The following CCDC141 variants were observed in gnomAD, a reference collection of about 807,000 sequenced individuals.
CCDC141 encodes coiled-coil domain containing 141, also known as coiled-coil domain-containing protein 141.
In CCDC141, 168 loss-of-function variants were observed where a neutral mutation model predicts 181.0. That is an observed-to-expected ratio of 0.93 (90% CI 0.82 to 1.05). The LOEUF is 1.05. CCDC141 is among the 50% of genes least tolerant of loss of function. The pLI is 0.00. For missense variants in CCDC141, 1,902 were observed against 1,788.5 expected, an observed-to-expected ratio of 1.06 and a Z score of -1.14; for synonymous variants, 666 against 642.3, an observed-to-expected ratio of 1.04 and a Z score of -0.56.
intron 17 of CCDC141, among the ~76,000 whole-genome samples, chr2:178,865,491 GCAAC>G (rs1685805222): frequency 6.6e-6 from 1 of 152,104 alleles, no homozygotes; most frequent in Non-Finnish European, 1.5e-5. Context: ...ATAAACAAAA[GCAAC>G]CAAAAAAACT....
chr2:178,963,915 G>A (rs916730698), intron 4 of CCDC141, among the ~76,000 whole-genome samples: 7 of 150,200 alleles, frequency 4.7e-5, no homozygotes, highest in African/African-American at 1.7e-4. Context: ...TGAGAAGAAT[G>A]GGAGAATGTA....
chr2:178,828,721 G>GT (rs559546724), downstream of CCDC141, among the ~76,000 whole-genome samples: 64 of 152,274 alleles, frequency 4.2e-4, no homozygotes, highest in Admixed American at 4.1e-3. Flanking sequence ...GTTTGTGTGT[G>GT]GGTGTGCATA....
chr2:178,833,893 C>A lies in CCDC141; in HGVS notation c.*280G>T, dbSNP rs930028348. On this transcript the variant is annotated 3_prime_UTR_variant, in exon 24 of 24. Coordinates refer to ENST00000443758, the MANE Select transcript of CCDC141 (RefSeq NM_173648.4). ...CGCCCTTAAATTAGGAGGGAATAGG[C>A]ATAGAATAATTTTGCTGCATATTAT... 4 of 345,724 alleles carry A rather than the reference C, an allele frequency of 1.2e-5. No homozygotes were observed. Among genetic ancestry groups the A allele is most frequent in the Non-Finnish European group, 1.1e-5 (2 of 189,120 alleles). 21.4% of individuals were successfully genotyped at this position (345,724 alleles called of 1,614,324 possible).
chr2:178,834,288 T>C lies in CCDC141; in HGVS notation c.4478A>G (p.Asn1493Ser), dbSNP rs1684381947. ...AQNSSGALSS[N>S]VILHVTGNCR... ...GTTACCTGTCACGTGGAGGATGACATTGGAAGAGAGAGCGCCGCTAGAGTT... is the reference window on the plus strand; with the variant it reads ...GTTACCTGTCACGTGGAGGATGACACTGGAAGAGAGAGCGCCGCTAGAGTT... The change falls in exon 24 of 24, where the codon AAT becomes AGT. Residue 1493 changes from asparagine (N) to serine (S), a missense_variant. Asn to Ser is a conservative substitution (Grantham distance 46). Transcript: ENST00000443758. The C allele has an allele frequency of 2.0e-6, 3 of 1,535,892 alleles. No homozygotes were observed. Among genetic ancestry groups the C allele is most frequent in the African/African-American group, 1.4e-5 (1 of 73,010 alleles).
chr2:178,979,464 T>C (rs1691270137), intron 2 of CCDC141, among the ~76,000 whole-genome samples: 1 of 151,988 alleles, frequency 6.6e-6, no homozygotes, highest in Non-Finnish European at 1.5e-5. Context: ...ACAAACATAA[T>C]GACAAGTACA....
intron 2 of CCDC141, among the ~76,000 whole-genome samples, chr2:179,033,903 AT>A (rs1485439133): frequency 6.6e-6 from 1 of 152,204 alleles, no homozygotes; most frequent in Non-Finnish European, 1.5e-5. Context: ...TTCTGAATTT[AT>A]CTATGTCACA....
intron 4 of CCDC141, 94 bp downstream of exon 4, chr2:178,974,963 T>C (rs180811193): frequency 1.8e-6 from 1 of 552,074 alleles, no homozygotes; most frequent in African/African-American, 1.9e-5. Context: ...CATAAATAGA[T>C]CAATTTAAAA....
intron 2 of CCDC141, among the ~76,000 whole-genome samples, chr2:179,027,741 C>T (rs1240342677): frequency 6.7e-6 from 1 of 149,568 alleles, no homozygotes; most frequent in Non-Finnish European, 1.5e-5. Context: ...TGACTTGTTC[C>T]TCCTTGCCTT....
At chr2:178,965,996 A>T (rs1690612379) in intron 4 of CCDC141, among the ~76,000 whole-genome samples, 1 of 152,218 alleles carries the variant, frequency 6.6e-6, no homozygotes, top group Admixed American at 6.5e-5. Flanking sequence ...AGTGTAAACA[A>T]AGCCACTGGG....
Position 178,835,954 on chromosome 2 carries a change from A to T in CCDC141, c.4325+940T>A, listed in dbSNP as rs184546209. ...AAGTTTTCTCATAAGTTCCTTAGAT[A>T]ACTGGTTCATATTTCAAGTACCATC... On this transcript the variant is annotated intron_variant, in intron 23 of 23. Coordinates refer to ENST00000443758, the MANE Select transcript of CCDC141 (RefSeq NM_173648.4). 2.1e-3 allele frequency: 327 copies of T among 152,746 alleles called. 2 individuals are homozygous for T. The highest frequency in any genetic ancestry group is 4.1e-3 in the East Asian group (21 of 5,182). The allele number at this position is 152,746 out of a possible 1,614,324, so 9.5% of individuals were successfully genotyped here.
chr2:178,905,246 G>T, intron 8 of CCDC141, 83 bp downstream of exon 8: 1 of 1,253,968 alleles, frequency 8.0e-7, no homozygotes, highest in Admixed American at 2.7e-5. Flanking sequence ...ACCAGAAAAA[G>T]ACAATCATGC....
chr2:179,030,729 A>G (rs2042977851), intron 2 of CCDC141, among the ~76,000 whole-genome samples: 2 of 152,096 alleles, frequency 1.3e-5, no homozygotes. Flanking sequence ...ACACATACCT[A>G]TTTTTGAAAA....
chr2:178,928,125 G>T (rs374910008), intron 6 of CCDC141, among the ~76,000 whole-genome samples: 1 of 152,094 alleles, frequency 6.6e-6, no homozygotes. Context: ...CAGAGAAACC[G>T]GGTGACTGAG....
chr2:178,839,608 T>G (rs75260489), intron 22 of CCDC141, among the ~76,000 whole-genome samples: 5 of 99,138 alleles, frequency 5.0e-5, no homozygotes, highest in Admixed American at 1.1e-4. Context: ...AAAAAAAAAA[T>G]GTGTTTTCAG....
At chr2:178,975,640 T>G (rs1419879798) in intron 3 of CCDC141, among the ~76,000 whole-genome samples, 1 of 152,146 alleles carries the variant, frequency 6.6e-6, no homozygotes, top group East Asian at 1.9e-4. Context: ...AAGGTAGAAG[T>G]ATAGTTATTT....
intron 5 of CCDC141, among the ~76,000 whole-genome samples, chr2:178,953,254 G>A (rs1227369349): frequency 6.6e-6 from 1 of 152,124 alleles, no homozygotes; most frequent in Non-Finnish European, 1.5e-5. Context: ...GGCTAACATG[G>A]TGAAACTGCA....
At chr2:178,885,127 CAG>C (rs1686819070) in intron 10 of CCDC141, 35 bp from the exon 11 acceptor site, 1 of 1,434,086 alleles carries the variant, frequency 7.0e-7, no homozygotes, top group Non-Finnish European at 9.5e-7. Context: ...CAGAAACTGA[CAG>C]GGGAATCATG....
At chr2:178,902,978 T>C (rs1216376079) in intron 8 of CCDC141, among the ~76,000 whole-genome samples, 9 of 148,980 alleles carry the variant, frequency 6.0e-5, no homozygotes, top group Admixed American at 1.4e-4. Context: ...AAAGAAGACA[T>C]TTATGCAGCC....
the CCDC141 span, among the ~76,000 whole-genome samples, chr2:178,823,311 C>T: frequency 5.9e-5 from 9 of 152,130 alleles, no homozygotes; most frequent in South Asian, 1.9e-3. Flanking sequence ...TTTAGAGGAA[C>T]TTAATGTCAA....
Sources: allele counts gnomAD v4.1 joint callset (sites outside exome capture counted in the v4.1 genomes callset), GRCh38; gene constraint gnomAD v4.1.1; transcripts MANE v1.5; gene names NCBI Gene and HGNC (gene_info 2026-07-23, HGNC 2026-07-21).